Variants in STK26 observed in about 807,000 individuals in gnomAD.
STK26 encodes the protein serine/threonine kinase 26.
A neutral mutation model predicts 34.7 loss-of-function variants in STK26; 14 were observed. The observed-to-expected ratio is 0.40, with a 90% CI of 0.27 to 0.63. The LOEUF (loss-of-function observed/expected upper bound fraction) is 0.63. STK26 is among the 30% of genes least tolerant of loss of function. The pLI is 0.38. For missense variants in STK26, 226 were observed against 309.1 expected, an observed-to-expected ratio of 0.73 and a Z score of 2.02; for synonymous variants, 100 against 109.8, an observed-to-expected ratio of 0.91 and a Z score of 0.56.
At chrX:132,053,596 G>A (rs916945362) in intron 2 of STK26, among the ~76,000 whole-genome samples, 8 of 111,916 alleles carry the variant, frequency 7.1e-5, no homozygotes, top group Admixed American at 2.8e-4. Flanking sequence ...TGTAGTAAAT[G>A]AACAGCTATT....
chrX:132,057,368 A>G (rs1465884051), intron 3 of STK26, among the ~76,000 whole-genome samples: 1 of 111,636 alleles, frequency 9.0e-6, no homozygotes. Flanking sequence ...TAGTGATACC[A>G]ATAGCCTCCA....
At chrX:132,048,885 G>A (rs1257807638) in intron 2 of STK26, among the ~76,000 whole-genome samples, 1 of 112,161 alleles carries the variant, frequency 8.9e-6, no homozygotes, top group Non-Finnish European at 1.9e-5. Context: ...ATTATATCTG[G>A]CACTTAAAAA....
intron 4 of STK26, 103 bp from the exon 5 acceptor site, chrX:132,068,112 A>G: frequency 1.8e-6 from 1 of 566,789 alleles, no homozygotes; most frequent in East Asian, 3.5e-5. Context: ...GAACGGCATC[A>G]TGTGTCTAAG....
intron 2 of STK26, among the ~76,000 whole-genome samples, chrX:132,025,893 G>A (rs751124822): frequency 1.7e-4 from 19 of 110,912 alleles, no homozygotes; most frequent in Non-Finnish European, 2.8e-4. Flanking sequence ...GAAATCTATC[G>A]TGAGCTTGTA....
intron 2 of STK26, among the ~76,000 whole-genome samples, chrX:132,040,881 T>A (rs1323789898): frequency 8.9e-6 from 1 of 111,846 alleles, no homozygotes; most frequent in African/African-American, 3.2e-5. Flanking sequence ...ACTACTTGAT[T>A]TAGTGGGGGA....
At chrX:132,028,641 GGAAAAGTAAGGTTGTAA>G (rs1294215520) in intron 2 of STK26, among the ~76,000 whole-genome samples, 29 of 111,399 alleles carry the variant, frequency 2.6e-4, no homozygotes, top group South Asian at 7.6e-4. Context: ...TCATGAGACA[GGAAAAGTAAGGTTGTAA>G]GAAAAGTAAG....
At chrX:132,064,662 G>A (rs1428648075) in intron 4 of STK26, among the ~76,000 whole-genome samples, 1 of 111,478 alleles carries the variant, frequency 9.0e-6, no homozygotes, top group Non-Finnish European at 1.9e-5. Context: ...AAACTTCCTG[G>A]ACGTAGGTGT....
intron 2 of STK26, among the ~76,000 whole-genome samples, chrX:132,051,355 T>C (rs1238975243): frequency 9.0e-6 from 1 of 111,721 alleles, no homozygotes; most frequent in Non-Finnish European, 1.9e-5. Flanking sequence ...CAAGGAATAA[T>C]CTGATTGCCC....
Position 132,074,268 on chromosome X carries a change from G to A in STK26, c.*109G>A. ...AGCTCCATGTGCCTTTTGGATCTTT[G>A]CAACACTGAAGATTTGGAAGAAGCT... On this transcript the variant is annotated 3_prime_UTR_variant, in exon 12 of 12. Coordinates refer to ENST00000394334, the MANE Select transcript of STK26 (RefSeq NM_016542.4). 1 of 735,484 alleles carries A rather than the reference G, an allele frequency of 1.4e-6. No homozygotes were observed. Among genetic ancestry groups the A allele is most frequent in the Non-Finnish European group, 2.0e-6 (1 of 511,450 alleles). 60.6% of individuals were successfully genotyped at this position (735,484 alleles called of 1,213,427 possible).
chrX:132,037,661 A>G (rs1926102458), intron 2 of STK26, among the ~76,000 whole-genome samples: 1 of 110,155 alleles, frequency 9.1e-6, no homozygotes, highest in African/African-American at 3.3e-5. Context: ...TTGAAGCTCA[A>G]GTTGTTATAA....
chrX:132,028,031 G>GTTTTTTT (rs546393727), intron 2 of STK26, among the ~76,000 whole-genome samples: 1 of 78,350 alleles, frequency 1.3e-5, no homozygotes, highest in Non-Finnish European at 2.4e-5. Context: ...AATTTTTATG[G>GTTTTTTT]TTTTTTTTTT....
chrX:132,040,197 C>G (rs1399464379), intron 2 of STK26, among the ~76,000 whole-genome samples: 1 of 112,776 alleles, frequency 8.9e-6, no homozygotes, highest in Non-Finnish European at 1.9e-5. Flanking sequence ...TATTTAGCAT[C>G]CAGCCTTTAC....
intron 2 of STK26, among the ~76,000 whole-genome samples, chrX:132,039,085 C>CAGT (rs1926167754): frequency 1.8e-5 from 2 of 111,042 alleles, no homozygotes. Context: ...AGGATAGAGA[C>CAGT]AGTTCTCTCC....
In STK26 at chrX:132,060,594, GT is replaced by G. The variant is rs770840797; in HGVS notation, c.274-2829del. Among the ~76,000 whole-genome samples, 230 of 102,529 alleles carry G rather than the reference GT, an allele frequency of 2.2e-3. 1 individual carries two copies. Among genetic ancestry groups the G allele is most frequent in the African/African-American group, 6.9e-3 (195 of 28,396 alleles). The allele number at this position is 102,529 out of a possible 115,157, so 89.0% of individuals were successfully genotyped here. A position where few individuals can be genotyped will look rare whatever the true frequency, so the allele number is the denominator to read the frequency against. ...TTTTTGTTTGTTTGTTTTTTGGGTG[GT>G]TTTTTTTTTGTTTTGTTTTTTTGTT... On this transcript the variant is annotated intron_variant, in intron 3 of 11. Transcript: ENST00000394334.
intron 2 of STK26, among the ~76,000 whole-genome samples, chrX:132,029,817 G>A (rs1326740316): frequency 1.8e-5 from 2 of 111,251 alleles, no homozygotes; most frequent in Non-Finnish European, 3.8e-5. Context: ...CACCTATTCT[G>A]TCTATTGTCA....
chrX:132,060,239 T>C (rs900981606), intron 3 of STK26, among the ~76,000 whole-genome samples: 1 of 112,014 alleles, frequency 8.9e-6, no homozygotes, highest in Non-Finnish European at 1.9e-5. Flanking sequence ...TTCATATTAA[T>C]AGCCTGCTTA....
At chrX:132,040,648 A>C (rs1214612368) in intron 2 of STK26, among the ~76,000 whole-genome samples, 1 of 111,902 alleles carries the variant, frequency 8.9e-6, no homozygotes, top group East Asian at 2.8e-4. Flanking sequence ...TCAGTATTTA[A>C]AATTAGATGG....
chrX:132,067,886 G>C (rs1234989523), intron 4 of STK26, among the ~76,000 whole-genome samples: 3 of 111,119 alleles, frequency 2.7e-5, no homozygotes, highest in Non-Finnish European at 5.7e-5. Context: ...CAGATAGTTG[G>C]TTCTGTCATT....
At position 132,050,421 on chromosome X, in the gene STK26, C is replaced by T. The variant is rs753889735; in HGVS notation, c.43-4210C>T. On this transcript the variant is annotated intron_variant, in intron 2 of 11. Transcript: ENST00000394334. ...ATTATGTTTCTAATCTTGAGTCATC[C>T]CTCGGGATTCCAGGATACCTTCTTC... is the stretch of plus-strand genomic sequence containing the variant. Among the ~76,000 whole-genome samples the T allele has an allele frequency of 1.7e-3, 192 of 111,710 alleles. 1 individual carries two copies. Among genetic ancestry groups the T allele is most frequent in the African/African-American group, 6.0e-3 (185 of 30,730 alleles).
Sources: allele counts gnomAD v4.1 joint callset (sites outside exome capture counted in the v4.1 genomes callset), GRCh38; gene constraint gnomAD v4.1.1; transcripts MANE v1.5; gene names NCBI Gene and HGNC (gene_info 2026-07-23, HGNC 2026-07-21).